Variants in ASCC3 observed in about 807,000 individuals in gnomAD.
ASCC3 encodes ASC-1 complex subunit P200.
A neutral mutation model predicts 256.3 loss-of-function variants in ASCC3; 158 were observed. The observed-to-expected ratio is 0.62, with a 90% CI of 0.54 to 0.70. The LOEUF is 0.70. ASCC3 is among the 30% of genes least tolerant of loss of function. The probability of loss-of-function intolerance (pLI) is 0.00; values close to 1 mark genes in which losing one functional copy is unlikely to be tolerated. For missense variants in ASCC3, 2,259 were observed against 2,626.0 expected, an observed-to-expected ratio of 0.86 and a Z score of 3.05; for synonymous variants, 948 against 883.4, an observed-to-expected ratio of 1.07 and a Z score of -1.30.
chr6:100,548,040 C>CA (rs76172986), intron 36 of ASCC3, among the ~76,000 whole-genome samples: 422 of 128,674 alleles, frequency 3.3e-3, no homozygotes, highest in East Asian at 5.9e-3. Flanking sequence ...GAAGCCAGAC[C>CA]AAAAAAAAAA....
chr6:100,809,105 A>G (rs1278176331), intron 4 of ASCC3, among the ~76,000 whole-genome samples: 1 of 152,008 alleles, frequency 6.6e-6, no homozygotes, highest in Admixed American at 6.6e-5. Flanking sequence ...GTGAAGGCCT[A>G]GGATGTTAAT....
chr6:100,613,147 C>A (rs1317613094), intron 30 of ASCC3, among the ~76,000 whole-genome samples: 1 of 149,734 alleles, frequency 6.7e-6, no homozygotes, highest in African/African-American at 2.5e-5. Flanking sequence ...GAATCTATTA[C>A]CTGTCTAGAT....
At chr6:100,627,802 A>C (rs1206205011) in intron 28 of ASCC3, 40 bp downstream of exon 28, 2 of 1,612,556 alleles carry the variant, frequency 1.2e-6, no homozygotes, top group Non-Finnish European at 1.7e-6. Context: ...TCAAAGTAAC[A>C]CTACTAAATA....
At chr6:100,862,168 C>T (rs1208011822) in intron 3 of ASCC3, among the ~76,000 whole-genome samples, 1 of 152,146 alleles carries the variant, frequency 6.6e-6, no homozygotes, top group African/African-American at 2.4e-5. Flanking sequence ...TTCGCCACTA[C>T]TTTTCAAACA....
chr6:100,854,487 T>G (rs1260254540), intron 3 of ASCC3, among the ~76,000 whole-genome samples: 1 of 152,168 alleles, frequency 6.6e-6, no homozygotes, highest in Non-Finnish European at 1.5e-5. Flanking sequence ...ACATAAAAAC[T>G]GTTGCCTTTG....
chr6:100,795,473 T>C (rs1007461141), intron 8 of ASCC3, among the ~76,000 whole-genome samples: 1 of 152,064 alleles, frequency 6.6e-6, no homozygotes, highest in Admixed American at 6.6e-5. Context: ...GCTGGGCACA[T>C]AGGCAGCTTT....
In ASCC3 at chr6:100,509,273, T is replaced by C. The variant is rs753292296; in HGVS notation, c.*113A>G. ...CAGCCACTGTCAATTTCCTGGATGG[T>C]TGAGGTTAGAAGTTGATTCTTTCAA... On this transcript the variant is annotated 3_prime_UTR_variant, in exon 42 of 42. Coordinates refer to ENST00000369162, the MANE Select transcript of ASCC3 (RefSeq NM_006828.4). 20 of 1,417,220 alleles carry C rather than the reference T, an allele frequency of 1.4e-5. No homozygotes were observed. The highest frequency in any genetic ancestry group is 4.6e-5 in the East Asian group (2 of 43,670). The allele number at this position is 1,417,220 out of a possible 1,614,324, so 87.8% of individuals were successfully genotyped here. A position where few individuals can be genotyped will look rare whatever the true frequency, so the allele number is the denominator to read the frequency against.
At chr6:100,804,381 C>T (rs774381737) in intron 5 of ASCC3, among the ~76,000 whole-genome samples, 1 of 152,088 alleles carries the variant, frequency 6.6e-6, no homozygotes, top group Non-Finnish European at 1.5e-5. Flanking sequence ...AATTACACTA[C>T]TACCTGGCCC....
intron 13 of ASCC3, among the ~76,000 whole-genome samples, chr6:100,683,204 C>T (rs866803418): frequency 1.3e-5 from 2 of 152,016 alleles, no homozygotes; most frequent in African/African-American, 4.8e-5. Context: ...CATTATTTTC[C>T]AGATGGGGGT....
chr6:100,665,040 G>A (rs1317260007), intron 14 of ASCC3, among the ~76,000 whole-genome samples: 1 of 152,134 alleles, frequency 6.6e-6, no homozygotes, highest in Non-Finnish European at 1.5e-5. Context: ...GGACTGCTGT[G>A]GCACCAATGA....
intron 13 of ASCC3, among the ~76,000 whole-genome samples, chr6:100,689,446 C>T (rs1331765978): frequency 6.6e-6 from 1 of 152,146 alleles, no homozygotes; most frequent in Non-Finnish European, 1.5e-5. Context: ...CATTTCAAAG[C>T]CTACTTTCTT....
chr6:100,625,422 C>G, intron 29 of ASCC3, 88 bp from the exon 30 acceptor site: 2 of 1,460,300 alleles, frequency 1.4e-6, no homozygotes, highest in South Asian at 1.1e-5. Flanking sequence ...TACATGAAAA[C>G]TAATGATGTA....
At chr6:100,818,992 A>T (rs1454060484) in intron 4 of ASCC3, among the ~76,000 whole-genome samples, 3 of 152,238 alleles carry the variant, frequency 2.0e-5, no homozygotes, top group African/African-American at 7.2e-5. Context: ...AGCCATAAAA[A>T]GGATGAGTTC....
At chr6:100,783,509 C>T (rs1782544593) in intron 8 of ASCC3, among the ~76,000 whole-genome samples, 1 of 152,176 alleles carries the variant, frequency 6.6e-6, no homozygotes, top group Non-Finnish European at 1.5e-5. Context: ...AAGTGTCAGG[C>T]TTTGAGGACG....
At chr6:100,548,594 T>C (rs985440109) in intron 36 of ASCC3, among the ~76,000 whole-genome samples, 17 of 152,042 alleles carry the variant, frequency 1.1e-4, no homozygotes, top group African/African-American at 3.9e-4. Context: ...AGCAACTACA[T>C]ATATAAACGC....
At chr6:100,723,430 C>T (rs1297091675) in intron 11 of ASCC3, among the ~76,000 whole-genome samples, 11 of 151,722 alleles carry the variant, frequency 7.3e-5, no homozygotes, top group South Asian at 6.2e-4. Flanking sequence ...AAAAACTCTC[C>T]TATGTTTTCT....
intron 37 of ASCC3, among the ~76,000 whole-genome samples, chr6:100,520,687 A>AG (rs1363359797): frequency 6.6e-6 from 1 of 152,216 alleles, no homozygotes; most frequent in African/African-American, 2.4e-5. Context: ...AAATATGTAT[A>AG]GATACATGAA....
chr6:100,879,865 T>C lies in ASCC3; in HGVS notation c.-42+1196A>G, dbSNP rs1394208143. On this transcript the variant is annotated intron_variant, in intron 1 of 41. Coordinates refer to ENST00000369162, the MANE Select transcript of ASCC3 (RefSeq NM_006828.4). ...TTTCAATGCCAATTACATATATACA[T>C]TGACAATAACTTTTTCTTTTAAAAG... 2.6e-5 allele frequency among the ~76,000 whole-genome samples: 4 copies of C among 152,218 alleles called. No homozygotes were observed. The South Asian group carries it at 6.2e-4, about 24-fold the overall frequency.
At chr6:100,828,635 C>G (rs1247227179) in intron 4 of ASCC3, among the ~76,000 whole-genome samples, 1 of 152,032 alleles carries the variant, frequency 6.6e-6, no homozygotes, top group Non-Finnish European at 1.5e-5. Flanking sequence ...CGGATCTTCG[C>G]GGTGAGTGTT....
Sources: gnomAD v4.1 joint callset for allele counts (sites outside exome capture counted in the v4.1 genomes callset) on GRCh38, gnomAD v4.1.1 for gene constraint, MANE v1.5 for transcripts, NCBI Gene and HGNC (gene_info 2026-07-23, HGNC 2026-07-21) for gene names.